BOD1L1: variants seen among roughly 807,000 people sequenced by gnomAD.
The protein encoded by BOD1L1 is biorientation of chromosomes in cell division 1 like 1, also known as biorientation of chromosomes in cell division protein 1-like 1.
A neutral mutation model predicts 240.7 loss-of-function variants in BOD1L1; 86 were observed. The ratio of observed to expected loss-of-function variants is 0.36; its 90% CI spans 0.30 to 0.43. The LOEUF is 0.43. BOD1L1 is among the 20% of genes least tolerant of loss of function. The probability of loss-of-function intolerance (pLI) is 1.00; values close to 1 mark genes in which losing one functional copy is unlikely to be tolerated. For synonymous variants in BOD1L1, 1,268 were observed against 1,272.3 expected (o/e 1.00, Z 0.07); for missense variants, 3,554 against 3,643.5 (o/e 0.98, Z 0.63).
intron 1 of BOD1L1, chr4:13,625,213 G>A (rs546386589): frequency 2.0e-5 from 3 of 152,306 alleles, no homozygotes; most frequent in South Asian, 2.1e-4. Flanking sequence ...TCAAAAAAGA[G>A]GCTAAGAACA....
In BOD1L1 at chr4:13,605,142, A is replaced by G; in HGVS notation, c.1816-58T>C. 3 of 1,351,778 alleles carry G rather than the reference A, an allele frequency of 2.2e-6. 1 individual carries two copies. In the South Asian group the frequency reaches 4.9e-5, roughly 22 times the overall value. 83.7% of individuals were successfully genotyped at this position (1,351,778 alleles called of 1,614,324 possible). A position where few individuals can be genotyped will look rare whatever the true frequency, so the allele number is the denominator to read the frequency against. On this transcript the variant is annotated intron_variant, in intron 9 of 25. Transcript: ENST00000040738. The stretch of plus-strand genomic sequence containing the variant: ...TACCAAAATCAATTTTTAGATTAAA[A>G]CATAACATTTGGGTGGATTTAATAT...
At chr4:13,625,154 C>T (rs1466250342) in intron 1 of BOD1L1, 1 of 152,142 alleles carries the variant, frequency 6.6e-6, no homozygotes, top group Non-Finnish European at 1.5e-5. Context: ...AAGTACTGTG[C>T]CTCGGAATGG....
Position 13,604,314 on chromosome 4 carries a change from G to T in BOD1L1, c.2586C>A (p.Ile862=). 6.3e-7 allele frequency: 1 copy of T among 1,596,376 alleles called. No individual in the cohort carries two copies. The highest frequency in any genetic ancestry group is 8.5e-7 in the Non-Finnish European group (1 of 1,174,944). Residue 862 remains isoleucine (I), a synonymous_variant, in exon 10 of 26, where the codon ATC becomes ATA. Coordinates refer to ENST00000040738, the MANE Select transcript of BOD1L1 (RefSeq NM_148894.3). ...AACTTTCACTTCTTCTCTGTAATGT[G>T]ATACCATGTTGCTTGGAACCCAGAG... ...KDSLGSKQHG[I]TLQRRSESYS...
intron 21 of BOD1L1, among the ~76,000 whole-genome samples, 160 bp downstream of exon 21, chr4:13,580,860 T>C (rs1308718092): frequency 6.6e-6 from 1 of 152,206 alleles, no homozygotes; most frequent in Non-Finnish European, 1.5e-5. Context: ...GTAACTCTGT[T>C]TACACAAAGA....
At chr4:13,581,340 A>G in intron 19 of BOD1L1, 133 bp from the exon 20 acceptor site, 1 of 634,924 alleles carries the variant, frequency 1.6e-6, no homozygotes, top group Non-Finnish European at 2.6e-6. Flanking sequence ...TCACTTTAAA[A>G]ATATGTGATG....
intron 2 of BOD1L1, among the ~76,000 whole-genome samples, 169 bp from the exon 3 acceptor site, chr4:13,615,671 C>T (rs780140797): frequency 5.3e-5 from 8 of 152,218 alleles, no homozygotes; most frequent in Non-Finnish European, 1.2e-4. Flanking sequence ...TTTCATGCTA[C>T]AGTAGCATTT....
chr4:13,577,707 C>T, intron 22 of BOD1L1, 76 bp from the exon 23 acceptor site: 1 of 1,090,018 alleles, frequency 9.2e-7, no homozygotes. Context: ...CCTGGCTTGT[C>T]TGTCAATGTA....
chr4:13,608,503 G>C, intron 8 of BOD1L1, 27 bp downstream of exon 8: 1 of 1,484,956 alleles, frequency 6.7e-7, no homozygotes, highest in East Asian at 2.5e-5. Context: ...GTGTTATAAG[G>C]GAAACATGAC....
intron 7 of BOD1L1, among the ~76,000 whole-genome samples, 199 bp from the exon 8 acceptor site, chr4:13,608,867 A>T (rs964625427): frequency 6.6e-6 from 1 of 152,192 alleles, no homozygotes; most frequent in African/African-American, 2.4e-5. Context: ...AAGTGTGTGT[A>T]TGTGTGATTT....
At chr4:13,620,297 G>A (rs1716950277) in intron 1 of BOD1L1, among the ~76,000 whole-genome samples, 1 of 152,080 alleles carries the variant, frequency 6.6e-6, no homozygotes, top group Non-Finnish European at 1.5e-5. Context: ...ACAAAGGACT[G>A]GAAAATAAGA....
At chr4:13,606,453 T>C (rs1715706999) in intron 9 of BOD1L1, among the ~76,000 whole-genome samples, 1 of 97,006 alleles carries the variant, frequency 1.0e-5, no homozygotes, top group South Asian at 3.9e-4. Flanking sequence ...GAACTACAGA[T>C]AATGTGGTTT....
At chr4:13,571,937 T>C (rs1466135620) in intron 25 of BOD1L1, among the ~76,000 whole-genome samples, 5 of 152,208 alleles carry the variant, frequency 3.3e-5, no homozygotes, top group Admixed American at 2.0e-4. Context: ...AAACAGCACA[T>C]ACATACAAGT....
intron 17 of BOD1L1, among the ~76,000 whole-genome samples, chr4:13,583,957 C>T (rs1194569995): frequency 6.6e-6 from 1 of 152,164 alleles, no homozygotes; most frequent in East Asian, 1.9e-4. Context: ...GGACTCCCAG[C>T]TACCCTTAAG....
intron 5 of BOD1L1, among the ~76,000 whole-genome samples, chr4:13,611,395 T>C (rs1716162707): frequency 6.6e-6 from 1 of 152,232 alleles, no homozygotes; most frequent in South Asian, 2.1e-4. Flanking sequence ...GAATGATTCA[T>C]GACTCAGGCG....
chr4:13,589,448 G>T (rs186938800), intron 14 of BOD1L1, among the ~76,000 whole-genome samples: 1 of 152,286 alleles, frequency 6.6e-6, no homozygotes, highest in East Asian at 1.9e-4. Context: ...ATATTCAAAA[G>T]CAATTAAAAT....
At chr4:13,625,886 C>T (rs1717350320) in intron 1 of BOD1L1, 1 of 152,056 alleles carries the variant, frequency 6.6e-6, no homozygotes, top group Admixed American at 6.5e-5. Flanking sequence ...CATAGTGGGC[C>T]CAGTATGAGT....
At chr4:13,626,231 G>C (rs940882647) in intron 1 of BOD1L1, 7 of 149,726 alleles carry the variant, frequency 4.7e-5, no homozygotes, top group Admixed American at 3.4e-4. Context: ...TGAGACAGGA[G>C]AGTCGCTTGA....
intron 2 of BOD1L1, among the ~76,000 whole-genome samples, chr4:13,617,644 A>G (rs1279913437): frequency 6.6e-6 from 1 of 152,204 alleles, no homozygotes; most frequent in South Asian, 2.1e-4. Context: ...TTGTACAAAT[A>G]AAAGCTTAAG....
chr4:13,594,194 T>C (rs1328475336), intron 12 of BOD1L1, among the ~76,000 whole-genome samples: 1 of 151,732 alleles, frequency 6.6e-6, no homozygotes, highest in Non-Finnish European at 1.5e-5. Context: ...CCTATAGAGT[T>C]TTTTGTTATA....
Sources: allele counts gnomAD v4.1 joint callset (sites outside exome capture counted in the v4.1 genomes callset), GRCh38; gene constraint gnomAD v4.1.1; transcripts MANE v1.5; gene names NCBI Gene and HGNC (gene_info 2026-07-23, HGNC 2026-07-21).